The following OSBP2 variants were observed in gnomAD, a reference collection of about 807,000 sequenced individuals.
OSBP2 encodes oxysterol-binding protein 2.
In OSBP2, 66 loss-of-function variants were observed where a neutral mutation model predicts 96.0. The ratio of observed to expected loss-of-function variants is 0.69; its 90% confidence interval spans 0.56 to 0.84. OSBP2 has a LOEUF of 0.84. Among genes scored for constraint, OSBP2 ranks in the 40% least tolerant of loss-of-function variants. The pLI is 0.00. For synonymous variants in OSBP2, 525 were observed against 520.9 expected (o/e 1.01, Z -0.11); for missense variants, 1,038 against 1,222.7 (o/e 0.85, Z 2.25).
chr22:30,883,390 A>G (rs1232558922), intron 3 of OSBP2, among the ~76,000 whole-genome samples: 2 of 152,232 alleles, frequency 1.3e-5, no homozygotes, highest in East Asian at 3.8e-4. Context: ...AGCAGCACCC[A>G]GGGAGATGAG....
intron 2 of OSBP2, among the ~76,000 whole-genome samples, chr22:30,766,615 T>C (rs545690995): frequency 2.6e-4 from 40 of 152,260 alleles, no homozygotes; most frequent in East Asian, 1.9e-3. Context: ...AAAAAGCAGA[T>C]GGTCAGACTC....
At chr22:30,730,804 ATATAATT>A (rs1569100716) in intron 1 of OSBP2, among the ~76,000 whole-genome samples, 550 of 46,278 alleles carry the variant, frequency 0.012, 58 homozygotes, top group Admixed American at 0.02. Flanking sequence ...ATATATATAT[ATATAATT>A]TTTTTTTTTT....
intron 1 of OSBP2, among the ~76,000 whole-genome samples, chr22:30,728,397 A>AC (rs1247256111): frequency 1.3e-5 from 2 of 150,968 alleles, no homozygotes; most frequent in Admixed American, 1.3e-4. Flanking sequence ...TCCGTCTCAA[A>AC]AAAAAAAAAA....
chr22:30,745,114 A>G (rs1014132996), intron 2 of OSBP2, among the ~76,000 whole-genome samples: 1 of 152,232 alleles, frequency 6.6e-6, no homozygotes, highest in Non-Finnish European at 1.5e-5. Context: ...ATACATTGAG[A>G]TAAATGAAAA....
intron 1 of OSBP2, among the ~76,000 whole-genome samples, chr22:30,718,178 G>A (rs2089493053): frequency 6.6e-6 from 1 of 152,160 alleles, no homozygotes; most frequent in Admixed American, 6.6e-5. Flanking sequence ...AAGGCATGTG[G>A]CCCTGTCCAA....
At chr22:30,901,475 T>TA (rs1426660280) in intron 12 of OSBP2, among the ~76,000 whole-genome samples, 1 of 152,220 alleles carries the variant, frequency 6.6e-6, no homozygotes, top group Non-Finnish European at 1.5e-5. Flanking sequence ...AGTCATCACA[T>TA]AAAAAACATG....
intron 1 of OSBP2, among the ~76,000 whole-genome samples, chr22:30,708,686 C>T (rs2089295731): frequency 6.6e-6 from 1 of 150,872 alleles, no homozygotes; most frequent in African/African-American, 2.4e-5. Context: ...CGAGGTTTCA[C>T]CATGTTGGCC....
chr22:30,826,501 T>C (rs1010422746), intron 2 of OSBP2, among the ~76,000 whole-genome samples: 4 of 152,138 alleles, frequency 2.6e-5, no homozygotes, highest in African/African-American at 9.7e-5. Context: ...CATCCTGAAG[T>C]TTCCCCCGAC....
chr22:30,881,810 C>A lies in OSBP2; in HGVS notation c.1108-5616C>A, dbSNP rs1196891431. The A allele has an allele frequency of 3.1e-6, 4 of 1,303,884 alleles. No individual in the cohort carries two copies. The East Asian group carries it at 2.2e-4, about 72-fold the overall frequency. The allele number at this position is 1,303,884 out of a possible 1,614,324, so 80.8% of individuals were successfully genotyped here. On this transcript the variant is annotated intron_variant, in intron 3 of 13. Coordinates refer to ENST00000332585, the MANE Select transcript of OSBP2 (RefSeq NM_030758.4). The surrounding 1 kb of genome is among the most constrained non-coding windows in gnomAD (Gnocchi z 4.5). ...GTCAGGGATGGACACCAGGTGGGTG[C>A]ATCCGGGCTGGGGGAGGTGGACGGG...
At chr22:30,842,882 C>T (rs191284138) in intron 2 of OSBP2, among the ~76,000 whole-genome samples, 1 of 152,104 alleles carries the variant, frequency 6.6e-6, no homozygotes, top group African/African-American at 2.4e-5. Context: ...TGGGTTCAAG[C>T]GATTCTCCTG....
intron 12 of OSBP2, among the ~76,000 whole-genome samples, chr22:30,905,169 G>A (rs2040302714): frequency 8.5e-6 from 1 of 118,150 alleles, no homozygotes; most frequent in Non-Finnish European, 1.7e-5. Context: ...TTTTTTAGAC[G>A]GAGCCTCGAA....
In OSBP2 at chr22:30,890,117, C is replaced by G. The variant is rs1569168536; in HGVS notation, c.1623+481C>G. Among the ~76,000 whole-genome samples, 1 of 152,218 alleles carries G rather than the reference C, an allele frequency of 6.6e-6. No homozygotes were observed. Among genetic ancestry groups the G allele is most frequent in the Non-Finnish European group, 1.5e-5 (1 of 68,034 alleles). On this transcript the variant is annotated intron_variant, in intron 7 of 13. Transcript: ENST00000332585. The surrounding 1 kb of genome is among the most constrained non-coding windows in gnomAD (Gnocchi z 4.4). The stretch of plus-strand genomic sequence containing the variant: ...GACGGTTCTGCTGTGTGACCCAGAA[C>G]AAGTTCCTTCACATCTCCAGCCTCT...
rs563413865 is a variant in OSBP2, at chr22:30,725,550, A to C, written c.645-15611A>C. Among the ~76,000 whole-genome samples the C allele has an allele frequency of 5.9e-3, 890 of 151,314 alleles. 7 individuals are homozygous for C. The highest frequency in any genetic ancestry group is 0.021 in the African/African-American group (848 of 41,238). On this transcript the variant is annotated intron_variant, in intron 1 of 13. Transcript: ENST00000332585. Reference sequence around the variant, plus strand: ...AACAAAAACAAAAACAAAAACAAAAAAAAAAACACACAAAAAAAACAAATT... The same window carrying C: ...AACAAAAACAAAAACAAAAACAAAACAAAAAACACACAAAAAAAACAAATT...
chr22:30,858,894 T>TAATAAA (rs2039146327), intron 2 of OSBP2, among the ~76,000 whole-genome samples: 1 of 149,422 alleles, frequency 6.7e-6, no homozygotes, highest in South Asian at 2.1e-4. Flanking sequence ...ATAATAATAA[T>TAATAAA]AATAATAATA....
intron 2 of OSBP2, among the ~76,000 whole-genome samples, chr22:30,772,939 G>A (rs930644024): frequency 1.4e-5 from 2 of 148,112 alleles, no homozygotes; most frequent in South Asian, 2.2e-4. Flanking sequence ...ATTACAGGCC[G>A]CCTGCCACCA....
chr22:30,821,644 C>T (rs1047729584), intron 2 of OSBP2, among the ~76,000 whole-genome samples: 4 of 151,994 alleles, frequency 2.6e-5, no homozygotes, highest in African/African-American at 9.7e-5. Flanking sequence ...CACCACACAT[C>T]CCACGGAGAT....
intron 1 of OSBP2, among the ~76,000 whole-genome samples, chr22:30,697,181 A>G (rs2145659705): frequency 6.6e-6 from 1 of 152,376 alleles, no homozygotes; most frequent in East Asian, 1.9e-4. Context: ...AATGTTTATA[A>G]GTATAGTCTC....
At chr22:30,738,537 G>A (rs571294766) in intron 1 of OSBP2, among the ~76,000 whole-genome samples, 47 of 151,868 alleles carry the variant, frequency 3.1e-4, no homozygotes, top group Non-Finnish European at 4.9e-4. Flanking sequence ...AAAGACAATC[G>A]CTGTTCAAAA....
At position 30,865,492 on chromosome 22, in the gene OSBP2, T is replaced by C. The variant is rs372043683; in HGVS notation, c.854-4937T>C. ...GCTGAAGATACAAAAATTAGCCAGG[T>C]GTTGTGACGCATGCCTGTAATCCCA... On this transcript the variant is annotated intron_variant, in intron 2 of 13. Transcript: ENST00000332585. Among the ~76,000 whole-genome samples, 13 of 151,508 alleles carry C rather than the reference T, an allele frequency of 8.6e-5. No individual in the cohort carries two copies. The East Asian group carries it at 2.5e-3, about 29-fold the overall frequency.
Sources: allele counts gnomAD v4.1 joint callset (sites outside exome capture counted in the v4.1 genomes callset), GRCh38; gene constraint gnomAD v4.1.1; non-coding constraint Gnocchi (gnomAD v3.1); transcripts MANE v1.5; gene names NCBI Gene and HGNC (gene_info 2026-07-23, HGNC 2026-07-21).